The following VRK2 variants were observed in gnomAD, a reference collection of about 807,000 sequenced individuals.
VRK2 encodes the protein VRK serine/threonine kinase 2.
Under a neutral mutation model 57.6 loss-of-function variants are expected in VRK2, and 60 were observed. That is an observed-to-expected ratio of 1.04 (90% CI 0.85 to 1.29). The LOEUF (loss-of-function observed/expected upper bound fraction) is 1.29. VRK2 is among the 50% of genes most tolerant of loss of function. VRK2 has a pLI of 0.00. For synonymous variants in VRK2, 231 were observed against 199.2 expected (o/e 1.16, Z -1.35); for missense variants, 705 against 588.1 (o/e 1.20, Z -2.06).
chr2:58,109,737 G>T (rs1675282403), intron 7 of VRK2, among the ~76,000 whole-genome samples: 1 of 152,184 alleles, frequency 6.6e-6, no homozygotes, highest in Non-Finnish European at 1.5e-5. Flanking sequence ...TTACAATTCA[G>T]ATTACAATTC....
chr2:57,972,910 C>A (rs1672139983), intron 1 of VRK2, among the ~76,000 whole-genome samples: 1 of 151,808 alleles, frequency 6.6e-6, no homozygotes, highest in South Asian at 2.1e-4. Context: ...TACAATAGTT[C>A]AATCAATCTT....
intron 1 of VRK2, among the ~76,000 whole-genome samples, chr2:57,993,767 C>T (rs952867616): frequency 6.6e-6 from 1 of 152,194 alleles, no homozygotes; most frequent in Non-Finnish European, 1.5e-5. Flanking sequence ...AGAGTTCATC[C>T]TTATGGCACT....
chr2:58,033,102 G>T (rs913865527), intron 2 of VRK2: 2 of 152,070 alleles, frequency 1.3e-5, no homozygotes, highest in African/African-American at 4.8e-5. Context: ...TGACATTTAT[G>T]TATTTGAAAA....
intron 1 of VRK2, among the ~76,000 whole-genome samples, chr2:57,912,125 A>G (rs979007670): frequency 7.2e-5 from 11 of 152,230 alleles, no homozygotes; most frequent in African/African-American, 2.7e-4. Context: ...ATGCACAGCA[A>G]ATAGTTTCAA....
At chr2:58,072,624 G>A (rs1010117855) in intron 2 of VRK2, among the ~76,000 whole-genome samples, 1 of 151,874 alleles carries the variant, frequency 6.6e-6, no homozygotes, top group Non-Finnish European at 1.5e-5. Context: ...AAGTTGTGGT[G>A]TTTAAATCTT....
At chr2:57,957,614 T>C (rs986169268) in intron 1 of VRK2, among the ~76,000 whole-genome samples, 5 of 144,584 alleles carry the variant, frequency 3.5e-5, no homozygotes, top group African/African-American at 1.0e-4. Flanking sequence ...ATATATACTA[T>C]ATTATATATA....
intron 7 of VRK2, among the ~76,000 whole-genome samples, chr2:58,093,603 A>G (rs919601235): frequency 4.6e-5 from 7 of 152,012 alleles, no homozygotes; most frequent in Non-Finnish European, 8.8e-5. Context: ...ATGTTCTCCC[A>G]TTTTGTAGGT....
intron 11 of VRK2, 59 bp from the exon 12 acceptor site, chr2:58,146,257 T>A: frequency 2.1e-6 from 3 of 1,434,442 alleles, no homozygotes; most frequent in Non-Finnish European, 2.8e-6. Context: ...CATATATGCA[T>A]TTTTTAGAGA....
In VRK2 at chr2:58,089,614, T is replaced by C; in HGVS notation, c.451-17T>C. The C allele has an allele frequency of 1.3e-6, 2 of 1,492,998 alleles. No homozygotes were observed. Among genetic ancestry groups the C allele is most frequent in the Non-Finnish European group, 1.8e-6 (2 of 1,086,034 alleles). The allele number at this position is 1,492,998 out of a possible 1,614,324, so 92.5% of individuals were successfully genotyped here. On this transcript the variant is annotated splice_polypyrimidine_tract_variant and intron_variant, in intron 6 of 12. Transcript: ENST00000340157. Reference sequence around the variant, plus strand: ...CTAAATAGCAGTAAACCTTATTTTATCTATTTATTTTCACAGTTGGATGTA... The same window carrying C: ...CTAAATAGCAGTAAACCTTATTTTACCTATTTATTTTCACAGTTGGATGTA...
At chr2:58,104,370 G>T (rs959554030) in intron 7 of VRK2, among the ~76,000 whole-genome samples, 4 of 151,690 alleles carry the variant, frequency 2.6e-5, no homozygotes, top group African/African-American at 4.8e-5. Flanking sequence ...AAAGTTTGAG[G>T]ATATAAAATC....
At chr2:58,136,993 T>C (rs1448386153) in intron 10 of VRK2, among the ~76,000 whole-genome samples, 1 of 132,716 alleles carries the variant, frequency 7.5e-6, no homozygotes. Context: ...TATATATGTG[T>C]ATATATCATA....
chr2:58,055,554 G>A (rs1025110078), intron 2 of VRK2, among the ~76,000 whole-genome samples: 2 of 151,582 alleles, frequency 1.3e-5, no homozygotes, highest in African/African-American at 4.9e-5. Context: ...TCCTGCAAGT[G>A]CCTCCAGCAC....
intron 11 of VRK2, among the ~76,000 whole-genome samples, chr2:58,145,807 A>G (rs985013091): frequency 5.0e-4 from 76 of 151,862 alleles, no homozygotes; most frequent in African/African-American, 1.8e-3. Context: ...CCAGTGTGTG[A>G]TGTTCCCTAC....
At chr2:57,956,294 A>G (rs1217851565) in intron 1 of VRK2, among the ~76,000 whole-genome samples, 3 of 152,182 alleles carry the variant, frequency 2.0e-5, no homozygotes, top group African/African-American at 4.8e-5. Context: ...CTGAGGCAGG[A>G]GGATTGCTTG....
chr2:57,970,092 ATATATT>A (rs1287440633), intron 1 of VRK2, among the ~76,000 whole-genome samples: 2 of 150,130 alleles, frequency 1.3e-5, no homozygotes, highest in Non-Finnish European at 3.0e-5. Flanking sequence ...AAATGTATAT[ATATATT>A]TATATTTATA....
At position 58,155,917 on chromosome 2, in the gene VRK2, G is replaced by GTTT. The variant is rs1395049481; in HGVS notation, c.1183-3431_1183-3429dup. On this transcript the variant is annotated intron_variant, in intron 12 of 12. Coordinates refer to ENST00000340157, the MANE Select transcript of VRK2 (RefSeq NM_006296.7). The stretch of plus-strand genomic sequence containing the variant: ...TGGTTACATAGAGCATGTTTTTCAT[G>GTTT]TTTGTTTTTTTTTTTTTCCAGTCTG... Among the ~76,000 whole-genome samples, 484 of 134,404 alleles carry GTTT rather than the reference G, an allele frequency of 3.6e-3. 9 individuals are homozygous for GTTT. Among genetic ancestry groups the GTTT allele is most frequent in the African/African-American group, 0.013 (464 of 37,072 alleles). 88.2% of individuals were successfully genotyped at this position (134,404 alleles called of 152,430 possible).
At chr2:58,103,179 C>G (rs920268617) in intron 7 of VRK2, among the ~76,000 whole-genome samples, 1 of 150,936 alleles carries the variant, frequency 6.6e-6, no homozygotes, top group Non-Finnish European at 1.5e-5. Context: ...AATAGAAAAA[C>G]AAGAACAAAC....
At chr2:58,137,095 TATC>T (rs1269398464) in intron 10 of VRK2, among the ~76,000 whole-genome samples, 1 of 127,614 alleles carries the variant, frequency 7.8e-6, no homozygotes, top group Non-Finnish European at 1.6e-5. Context: ...TATGTGTATA[TATC>T]ATATATATAA....
chr2:58,020,202 T>C (rs1020967778), intron 1 of VRK2, among the ~76,000 whole-genome samples: 2 of 152,180 alleles, frequency 1.3e-5, no homozygotes, highest in Non-Finnish European at 2.9e-5. Context: ...TATAAAACAA[T>C]TGCCAAGATA....
Sources: gnomAD v4.1 joint callset for allele counts (sites outside exome capture counted in the v4.1 genomes callset) on GRCh38, gnomAD v4.1.1 for gene constraint, MANE v1.5 for transcripts, NCBI Gene and HGNC (gene_info 2026-07-23, HGNC 2026-07-21) for gene names.